The following CAGE1 variants were observed in gnomAD, a reference collection of about 807,000 sequenced individuals.
CAGE1 encodes the protein cancer antigen 1, also known as cancer-associated gene 1 protein.
CAGE1 carries 66 observed loss-of-function variants against 94.9 expected under a neutral mutation model. The ratio of observed to expected loss-of-function variants is 0.70; its 90% CI spans 0.57 to 0.85. The LOEUF is 0.85. CAGE1 is among the 40% of genes least tolerant of loss of function. The probability of loss-of-function intolerance (pLI) is 0.00; values close to 1 mark genes in which losing one functional copy is unlikely to be tolerated. For synonymous variants in CAGE1, 319 were observed against 321.0 expected, an observed-to-expected ratio of 0.99 and a Z score of 0.07; for missense variants, 865 against 950.4, an observed-to-expected ratio of 0.91 and a Z score of 1.18.
At chr6:7,350,800 C>T (rs1000949616) in intron 11 of CAGE1, among the ~76,000 whole-genome samples, 31 of 152,068 alleles carry the variant, frequency 2.0e-4, no homozygotes, top group African/African-American at 7.0e-4. Context: ...ACAATTACAT[C>T]AAAAAGACGG....
chr6:7,352,256 C>G (rs1157056300), intron 11 of CAGE1, among the ~76,000 whole-genome samples: 1 of 76,668 alleles, frequency 1.3e-5, no homozygotes, highest in Non-Finnish European at 2.5e-5. Flanking sequence ...AGTGGAGAAT[C>G]AAATCAAGAA....
intron 11 of CAGE1, among the ~76,000 whole-genome samples, chr6:7,349,244 G>A (rs1759679811): frequency 6.6e-6 from 1 of 152,144 alleles, no homozygotes; most frequent in South Asian, 2.1e-4. Flanking sequence ...GAAGGGTTTG[G>A]GGCCCTATCT....
intron 4 of CAGE1, among the ~76,000 whole-genome samples, chr6:7,377,813 C>A (rs950127524): frequency 1.3e-5 from 2 of 152,130 alleles, no homozygotes; most frequent in African/African-American, 4.8e-5. Context: ...TTTTCCCATA[C>A]CAATTCCTAG....
intron 9 of CAGE1, among the ~76,000 whole-genome samples, chr6:7,357,732 G>A (rs910369214): frequency 4.6e-5 from 7 of 151,936 alleles, no homozygotes; most frequent in African/African-American, 9.7e-5. Flanking sequence ...AGTGACACAC[G>A]ATTAATAACA....
chr6:7,346,137 T>G (rs941625509), intron 11 of CAGE1, among the ~76,000 whole-genome samples: 1 of 152,212 alleles, frequency 6.6e-6, no homozygotes, highest in Admixed American at 6.5e-5. Context: ...GAATGGCTAC[T>G]CCGTAGGCAA....
intron 12 of CAGE1, 75 bp downstream of exon 12, chr6:7,333,947 C>A: frequency 2.1e-6 from 2 of 933,790 alleles, no homozygotes; most frequent in Middle Eastern, 3.1e-4. Flanking sequence ...GGATTACAGG[C>A]GTGAGCCACC....
intron 13 of CAGE1, chr6:7,329,180 G>A (rs111939589): frequency 2.0e-4 from 79 of 396,802 alleles, no homozygotes; most frequent in Middle Eastern, 3.1e-4. Flanking sequence ...TGATCCACCC[G>A]CCTCGGCCTC....
chr6:7,338,148 A>G (rs1345071316), intron 11 of CAGE1, among the ~76,000 whole-genome samples: 1 of 152,232 alleles, frequency 6.6e-6, no homozygotes, highest in Non-Finnish European at 1.5e-5. Flanking sequence ...ACATATTTGT[A>G]CTGGATCCTG....
At chr6:7,368,604 C>A in intron 7 of CAGE1, 84 bp downstream of exon 7, 1 of 695,366 alleles carries the variant, frequency 1.4e-6, no homozygotes, top group South Asian at 2.5e-5. Flanking sequence ...ATGATTCCAA[C>A]TTTAAGAGTT....
chr6:7,387,624 C>G (rs1206957916), intron 1 of CAGE1, among the ~76,000 whole-genome samples: 1 of 152,072 alleles, frequency 6.6e-6, no homozygotes, highest in Non-Finnish European at 1.5e-5. Flanking sequence ...TGCGCCTATT[C>G]CCTCAGGTAC....
intron 12 of CAGE1, 69 bp downstream of exon 12, chr6:7,333,953 C>G: frequency 4.0e-6 from 4 of 999,234 alleles, no homozygotes; most frequent in Non-Finnish European, 6.0e-6. Context: ...CAGGCGTGAG[C>G]CACCGCACTT....
At chr6:7,332,148 T>TG (rs1397511557) in intron 12 of CAGE1, among the ~76,000 whole-genome samples, 1 of 152,224 alleles carries the variant, frequency 6.6e-6, no homozygotes, top group Non-Finnish European at 1.5e-5. Context: ...CCACTGTCTT[T>TG]GGAGGCCAGT....
intron 4 of CAGE1, among the ~76,000 whole-genome samples, chr6:7,377,362 C>T (rs9378490): frequency 0.36 from 54,314 of 152,082 alleles, 9,884 homozygotes; most frequent in East Asian, 0.44. Context: ...CTTTTAAATG[C>T]TGTCATCTAC....
intron 11 of CAGE1, among the ~76,000 whole-genome samples, chr6:7,342,617 G>A (rs1002092469): frequency 1.3e-5 from 2 of 152,212 alleles, no homozygotes; most frequent in African/African-American, 4.8e-5. Context: ...GTCCTTGACT[G>A]TCAGTGCTCA....
intron 11 of CAGE1, among the ~76,000 whole-genome samples, chr6:7,353,888 G>A (rs1759865519): frequency 1.3e-5 from 2 of 152,068 alleles, no homozygotes; most frequent in Non-Finnish European, 2.9e-5. Flanking sequence ...TGGGAGCTAA[G>A]CTATGAGGAC....
intron 11 of CAGE1, among the ~76,000 whole-genome samples, chr6:7,344,159 C>A (rs1759310066): frequency 6.6e-6 from 1 of 152,206 alleles, no homozygotes; most frequent in Non-Finnish European, 1.5e-5. Context: ...CTGTGAGAGC[C>A]CCTTTCTGGG....
chr6:7,387,131 G>T lies in CAGE1; in HGVS notation c.43C>A (p.Pro15Thr), dbSNP rs1761148759. Reference protein sequence around the residue: ...YQKFWSSPSDPVHFEVDTSHE... With the variant: ...YQKFWSSPSDTVHFEVDTSHE... Reference sequence around the variant, plus strand: ...GAAGTATCCACTTCAAAATGTACAGGATCTGAAGGTGATGACCAAAATTTT... The same window carrying T: ...GAAGTATCCACTTCAAAATGTACAGTATCTGAAGGTGATGACCAAAATTTT... Residue 15 changes from proline (P) to threonine (T), a missense_variant, in exon 2 of 14, where the codon CCT becomes ACT. By Grantham distance (38) the Pro-to-Thr change is conservative. Coordinates refer to ENST00000502583, the MANE Select transcript of CAGE1 (RefSeq NM_001170692.2). 5.8e-6 allele frequency: 9 copies of T among 1,551,266 alleles called. No individual in the cohort carries two copies. Among genetic ancestry groups the T allele is most frequent in the East Asian group, 4.9e-5 (2 of 40,910 alleles).
Position 7,374,834 on chromosome 6 carries a change from G to A in CAGE1, c.688-703C>T, listed in dbSNP as rs377180537. Among the ~76,000 whole-genome samples, 53 of 151,850 alleles carry A rather than the reference G, an allele frequency of 3.5e-4. 1 individual carries two copies. In the East Asian group the frequency reaches 5.8e-3, roughly 17 times the overall value. On this transcript the variant is annotated intron_variant, in intron 4 of 13. Coordinates refer to ENST00000502583, the MANE Select transcript of CAGE1 (RefSeq NM_001170692.2). Reference sequence around the variant, plus strand: ...CACCTGAGGTCAGGAGTTTGAGACCGGCCTGGCCAACATGATAAAACCCCA... The same window carrying A: ...CACCTGAGGTCAGGAGTTTGAGACCAGCCTGGCCAACATGATAAAACCCCA...
intron 12 of CAGE1, among the ~76,000 whole-genome samples, chr6:7,332,093 G>T (rs1487439323): frequency 6.6e-6 from 1 of 152,114 alleles, no homozygotes; most frequent in Non-Finnish European, 1.5e-5. Context: ...CAAAAGCAGG[G>T]CTTCTCCTCC....
Sources: allele counts gnomAD v4.1 joint callset (sites outside exome capture counted in the v4.1 genomes callset), GRCh38; gene constraint gnomAD v4.1.1; transcripts MANE v1.5; gene names NCBI Gene and HGNC (gene_info 2026-07-23, HGNC 2026-07-21).